Variants in WWOX observed in about 807,000 individuals in gnomAD.
The protein encoded by WWOX is WW domain-containing oxidoreductase.
A neutral mutation model predicts 46.2 loss-of-function variants in WWOX; 69 were observed. The observed-to-expected ratio is 1.49, with a 90% CI of 1.23 to 1.82. WWOX has a LOEUF of 1.82. Among genes scored for constraint, WWOX ranks in the 40% most tolerant of loss-of-function variants. The pLI, the probability that WWOX is intolerant of heterozygous loss-of-function variation, is 0.00. For missense variants in WWOX, 919 were observed against 542.6 expected (o/e 1.69, Z -6.89); for synonymous variants, 359 against 202.6 (o/e 1.77, Z -6.56).
chr16:78,465,394 A>G (rs1025334302), intron 8 of WWOX, among the ~76,000 whole-genome samples: 11 of 151,750 alleles, frequency 7.2e-5, no homozygotes, highest in African/African-American at 2.7e-4. Context: ...TGCCCAGGCC[A>G]CTCTCCAACT....
At chr16:79,107,255 A>T (rs1316233683) in intron 8 of WWOX, among the ~76,000 whole-genome samples, 1 of 150,070 alleles carries the variant, frequency 6.7e-6, no homozygotes, top group Non-Finnish European at 1.5e-5. Context: ...ATGACTTTTT[A>T]TTTGTTATTT....
intron 8 of WWOX, among the ~76,000 whole-genome samples, chr16:78,757,397 A>G (rs938409106): frequency 2.0e-5 from 3 of 152,182 alleles, no homozygotes; most frequent in African/African-American, 4.8e-5. Flanking sequence ...TTGCAAAGGT[A>G]CATAGGACAC....
At chr16:79,077,301 C>G (rs999345085) in intron 8 of WWOX, 1 of 152,014 alleles carries the variant, frequency 6.6e-6, no homozygotes, top group African/African-American at 2.4e-5. Flanking sequence ...GACAAACATC[C>G]GAATTCTGAA....
intron 8 of WWOX, among the ~76,000 whole-genome samples, chr16:79,093,262 A>G (rs1381143415): frequency 1.3e-5 from 2 of 152,212 alleles, no homozygotes; most frequent in Non-Finnish European, 2.9e-5. Flanking sequence ...TTTGGAGGCG[A>G]AAGATACACA....
chr16:79,171,519 G>C (rs1164974992), intron 8 of WWOX, among the ~76,000 whole-genome samples: 1 of 151,962 alleles, frequency 6.6e-6, no homozygotes, highest in African/African-American at 2.4e-5. Context: ...CTTTTTTGCT[G>C]CTGTTTTAAT....
chr16:78,886,639 C>CATATATATATATATATATATAT (rs3085495), intron 8 of WWOX, among the ~76,000 whole-genome samples: 7 of 144,842 alleles, frequency 4.8e-5, no homozygotes, highest in African/African-American at 1.0e-4. Flanking sequence ...CAAAGAAAAA[C>CATATATATATATATATATATAT]ATATATATAT....
At chr16:78,908,135 C>A (rs2045014185) in intron 8 of WWOX, among the ~76,000 whole-genome samples, 1 of 152,180 alleles carries the variant, frequency 6.6e-6, no homozygotes, top group Non-Finnish European at 1.5e-5. Flanking sequence ...GATTCTATGG[C>A]CAAGTGTGTG....
At chr16:78,446,365 C>A (rs1426002936) in intron 8 of WWOX, among the ~76,000 whole-genome samples, 1 of 152,130 alleles carries the variant, frequency 6.6e-6, no homozygotes, top group Non-Finnish European at 1.5e-5. Context: ...TGGTCAACAT[C>A]CTGAAGTCTC....
At chr16:79,116,054 G>C (rs767044446) in intron 8 of WWOX, among the ~76,000 whole-genome samples, 1 of 152,124 alleles carries the variant, frequency 6.6e-6, no homozygotes, top group African/African-American at 2.4e-5. Context: ...GTGTACAATA[G>C]CATTGTAAGA....
At chr16:78,973,071 G>A (rs566684992) in intron 8 of WWOX, among the ~76,000 whole-genome samples, 83 of 152,204 alleles carry the variant, frequency 5.5e-4, no homozygotes, top group Middle Eastern at 6.3e-3. Context: ...TTAAACAGCT[G>A]TCAGCATTGT....
At chr16:78,113,925 A>G (rs2151673098) in intron 3 of WWOX, among the ~76,000 whole-genome samples, 1 of 152,220 alleles carries the variant, frequency 6.6e-6, no homozygotes, top group Middle Eastern at 3.4e-3. Flanking sequence ...TTTTAAACTA[A>G]TTTTACACAC....
intron 8 of WWOX, among the ~76,000 whole-genome samples, chr16:78,519,805 C>G (rs547311405): frequency 1.1e-4 from 16 of 152,186 alleles, no homozygotes; most frequent in Non-Finnish European, 1.9e-4. Context: ...AACACCACAT[C>G]TACTGGCCCC....
At chr16:79,165,276 G>A (rs1216508953) in intron 8 of WWOX, among the ~76,000 whole-genome samples, 3 of 152,252 alleles carry the variant, frequency 2.0e-5, no homozygotes, top group East Asian at 1.9e-4. Context: ...CCATTGCGGA[G>A]GTCAATTTCA....
At chr16:78,798,826 G>C (rs1245450178) in intron 8 of WWOX, among the ~76,000 whole-genome samples, 1 of 152,146 alleles carries the variant, frequency 6.6e-6, no homozygotes. Context: ...AGAAGCTAAT[G>C]TTCCATATCA....
intron 8 of WWOX, among the ~76,000 whole-genome samples, chr16:79,188,551 T>C (rs1170822084): frequency 6.6e-6 from 1 of 152,250 alleles, no homozygotes; most frequent in Non-Finnish European, 1.5e-5. Flanking sequence ...ATTCTCCTTT[T>C]GTTTCACCTA....
intron 5 of WWOX, among the ~76,000 whole-genome samples, chr16:78,257,284 G>A (rs2038158080): frequency 6.6e-6 from 1 of 152,142 alleles, no homozygotes. Context: ...CCATGAGATT[G>A]CATGAGTTTT....
At chr16:78,380,053 TGAA>T (rs2081921412) in intron 5 of WWOX, among the ~76,000 whole-genome samples, 1 of 152,192 alleles carries the variant, frequency 6.6e-6, no homozygotes, top group African/African-American at 2.4e-5. Context: ...CATGGTGTAT[TGAA>T]GGTGTCTGTT....
chr16:78,971,717 C>CA (rs2046474373), intron 8 of WWOX, among the ~76,000 whole-genome samples: 1 of 151,836 alleles, frequency 6.6e-6, no homozygotes, highest in Admixed American at 6.6e-5. Flanking sequence ...ATCGCCCCCC[C>CA]ACCCCGATCC....
chr16:78,824,376 C>G (rs1233236596), intron 8 of WWOX, among the ~76,000 whole-genome samples: 2 of 152,140 alleles, frequency 1.3e-5, no homozygotes, highest in Admixed American at 6.5e-5. Flanking sequence ...AGCTCATTGA[C>G]TCTACAACTC....
Sources: gnomAD v4.1 joint callset for allele counts (sites outside exome capture counted in the v4.1 genomes callset) on GRCh38, gnomAD v4.1.1 for gene constraint, MANE v1.5 for transcripts, NCBI Gene and HGNC (gene_info 2026-07-23, HGNC 2026-07-21) for gene names.